Variants in DIP2B observed in about 807,000 individuals in gnomAD.
The protein encoded by DIP2B is disco-interacting protein 2 homolog B.
DIP2B carries 76 observed loss-of-function variants against 198.0 expected under a neutral mutation model. The ratio of observed to expected loss-of-function variants is 0.38; its 90% CI spans 0.32 to 0.46. DIP2B has a LOEUF of 0.46. DIP2B is among the 20% of genes least tolerant of loss of function. The probability of loss-of-function intolerance (pLI) is 0.99; values close to 1 mark genes in which losing one functional copy is unlikely to be tolerated. For missense variants in DIP2B, 1,559 were observed against 1,978.4 expected, an observed-to-expected ratio of 0.79 and a Z score of 4.02; for synonymous variants, 701 against 739.1, an observed-to-expected ratio of 0.95 and a Z score of 0.84.
At chr12:50,649,203 C>T (rs776690544) in intron 3 of DIP2B, among the ~76,000 whole-genome samples, 2 of 151,890 alleles carry the variant, frequency 1.3e-5, no homozygotes, top group African/African-American at 2.4e-5. Flanking sequence ...AATCTAATGC[C>T]GATAAAAGCT....
intron 4 of DIP2B, among the ~76,000 whole-genome samples, chr12:50,662,418 C>A (rs1938667650): frequency 6.6e-6 from 1 of 152,240 alleles, no homozygotes; most frequent in Non-Finnish European, 1.5e-5. Context: ...GCAACAATTA[C>A]ACACATGCCT....
chr12:50,527,132 C>A (rs1335429059), intron 1 of DIP2B, among the ~76,000 whole-genome samples: 1 of 152,160 alleles, frequency 6.6e-6, no homozygotes, highest in Non-Finnish European at 1.5e-5. Context: ...TGGCTACATT[C>A]CATCTTTGGC....
intron 1 of DIP2B, among the ~76,000 whole-genome samples, chr12:50,558,097 GCGT>G (rs978566391): frequency 2.1e-3 from 22 of 10,332 alleles, no homozygotes; most frequent in African/African-American, 2.3e-3. Context: ...GAGCGCGGTA[GCGT>G]CCTAAGCCTG....
chr12:50,581,480 C>G (rs924041838), intron 1 of DIP2B, among the ~76,000 whole-genome samples: 4 of 149,094 alleles, frequency 2.7e-5, no homozygotes, highest in Non-Finnish European at 5.9e-5. Context: ...CCTTGTTTGC[C>G]ACAAATTAGG....
chr12:50,655,058 TAA>T (rs1565860222), intron 3 of DIP2B: 1 of 439,792 alleles, frequency 2.3e-6, no homozygotes. Context: ...CTGATTAGTG[TAA>T]AAATATATTT....
chr12:50,602,503 C>T (rs1057480730), intron 1 of DIP2B, among the ~76,000 whole-genome samples: 3 of 152,156 alleles, frequency 2.0e-5, no homozygotes, highest in African/African-American at 7.2e-5. Context: ...GTGATCCACC[C>T]ACATTGGCCT....
chr12:50,631,522 G>T (rs1009153346), intron 2 of DIP2B, among the ~76,000 whole-genome samples: 2 of 151,994 alleles, frequency 1.3e-5, no homozygotes, highest in Non-Finnish European at 2.9e-5. Context: ...ACCGTGCCCG[G>T]CCCTGATTCA....
At chr12:50,578,009 G>A (rs1278090873) in intron 1 of DIP2B, among the ~76,000 whole-genome samples, 2 of 152,148 alleles carry the variant, frequency 1.3e-5, no homozygotes, top group Non-Finnish European at 2.9e-5. Context: ...ATTCATTGAT[G>A]TGTGTTGCAC....
chr12:50,697,731 A>G (rs1288324074), intron 17 of DIP2B, among the ~76,000 whole-genome samples: 1 of 151,200 alleles, frequency 6.6e-6, no homozygotes, highest in East Asian at 1.9e-4. Flanking sequence ...GGTTCTTGTT[A>G]TGTTGCCCAG....
chr12:50,510,988 C>T lies in DIP2B; in HGVS notation c.100+5748C>T, dbSNP rs1376907320. Among the ~76,000 whole-genome samples the T allele has an allele frequency of 3.3e-5, 5 of 149,710 alleles. No individual in the cohort carries two copies. The East Asian group carries it at 5.9e-4, about 18-fold the overall frequency. The stretch of plus-strand genomic sequence containing the variant: ...TGAGACGGAGTCTCTCCCTGTCACC[C>T]GTGCTGGAGTGCACTGGCATGATCT... On this transcript the variant is annotated intron_variant, in intron 1 of 37. Transcript: ENST00000301180.
chr12:50,708,700 A>G, intron 22 of DIP2B, 138 bp downstream of exon 22: 1 of 661,828 alleles, frequency 1.5e-6, no homozygotes, highest in Non-Finnish European at 2.6e-6. Context: ...ACTACTAGCA[A>G]AATCAGATAA....
At chr12:50,625,150 C>T (rs575482839) in intron 1 of DIP2B, among the ~76,000 whole-genome samples, 4 of 152,082 alleles carry the variant, frequency 2.6e-5, no homozygotes, top group Non-Finnish European at 5.9e-5. Flanking sequence ...TCTGTCATGT[C>T]ACCTCACCAC....
At chr12:50,693,329 G>A (rs1939252423) in intron 14 of DIP2B, among the ~76,000 whole-genome samples, 1 of 152,208 alleles carries the variant, frequency 6.6e-6, no homozygotes, top group Non-Finnish European at 1.5e-5. Context: ...GGCAGTTTTT[G>A]TGGAAGAAGT....
intron 2 of DIP2B, among the ~76,000 whole-genome samples, chr12:50,627,178 C>T (rs1367200739): frequency 6.6e-6 from 1 of 152,170 alleles, no homozygotes; most frequent in Admixed American, 6.5e-5. Flanking sequence ...GGATCTGGCC[C>T]ATGCCTCTGA....
intron 28 of DIP2B, 48 bp downstream of exon 28, chr12:50,724,934 TACC>T: frequency 1.3e-6 from 2 of 1,538,952 alleles, no homozygotes; most frequent in South Asian, 1.1e-5. Flanking sequence ...GAGCTCACAA[TACC>T]TGAGATCTCC....
chr12:50,591,766 T>A (rs1390143744), intron 1 of DIP2B, among the ~76,000 whole-genome samples: 1 of 152,030 alleles, frequency 6.6e-6, no homozygotes, highest in African/African-American at 2.4e-5. Flanking sequence ...AGCCATATGA[T>A]AAAATTCTTA....
At position 50,715,102 on chromosome 12, in the gene DIP2B, G is replaced by C. The variant is rs1939691025; in HGVS notation, c.2851+506G>C. On this transcript the variant is annotated intron_variant, in intron 23 of 37. Transcript: ENST00000301180. ...AAATTGCAGCTCAGGCAAGAAACAAGCATATTTTTGTCAGGTAAAAAAAGT... is the reference window on the plus strand; with the variant it reads ...AAATTGCAGCTCAGGCAAGAAACAACCATATTTTTGTCAGGTAAAAAAAGT... Among the ~76,000 whole-genome samples the C allele has an allele frequency of 1.3e-5, 2 of 152,206 alleles. 1 individual carries two copies. The highest frequency in any genetic ancestry group is 1.3e-4 in the Admixed American group (2 of 15,266).
chr12:50,593,712 T>C (rs61927829), intron 1 of DIP2B, among the ~76,000 whole-genome samples: 2,109 of 8,196 alleles, frequency 0.26, 117 homozygotes, highest in East Asian at 0.43. Flanking sequence ...TCTCCCCTCC[T>C]CTCCTCTCCT....
intron 21 of DIP2B, among the ~76,000 whole-genome samples, chr12:50,707,063 CTT>C (rs1386293701): frequency 1.3e-5 from 2 of 152,292 alleles, no homozygotes; most frequent in African/African-American, 2.4e-5. Context: ...AATTGTTTCT[CTT>C]GTTTCTAATT....
Sources: allele counts gnomAD v4.1 joint callset (sites outside exome capture counted in the v4.1 genomes callset), GRCh38; gene constraint gnomAD v4.1.1; transcripts MANE v1.5; gene names NCBI Gene and HGNC (gene_info 2026-07-23, HGNC 2026-07-21).